KANK1: variants seen among roughly 807,000 people sequenced by gnomAD.
KANK1 encodes KN motif and ankyrin repeat domains 1, also known as KN motif and ankyrin repeat domain-containing protein 1.
KANK1 carries 109 observed loss-of-function variants against 106.2 expected under a neutral mutation model. The observed-to-expected ratio is 1.03, with a 90% confidence interval of 0.88 to 1.20. The LOEUF (loss-of-function observed/expected upper bound fraction) is 1.20. Among genes scored for constraint, KANK1 ranks in the 50% most tolerant of loss-of-function variants. The pLI is 0.00. For missense variants in KANK1, 2,399 were observed against 1,710.7 expected, an observed-to-expected ratio of 1.40 and a Z score of -7.10; for synonymous variants, 873 against 652.2, an observed-to-expected ratio of 1.34 and a Z score of -5.16.
intron 1 of KANK1, among the ~76,000 whole-genome samples, chr9:637,530 C>G (rs1356595818): frequency 6.6e-6 from 1 of 152,140 alleles, no homozygotes; most frequent in Non-Finnish European, 1.5e-5. Flanking sequence ...GACTTACCTT[C>G]AGGGATATCT....
intron 3 of KANK1, chr9:495,523 A>G (rs2058444512): frequency 2.0e-5 from 3 of 152,060 alleles, no homozygotes; most frequent in East Asian, 1.9e-4. Context: ...TAAGCATGCT[A>G]TCTTCAACGT....
At chr9:537,523 T>C (rs2060363483) in intron 1 of KANK1, among the ~76,000 whole-genome samples, 1 of 152,206 alleles carries the variant, frequency 6.6e-6, no homozygotes, top group Non-Finnish European at 1.5e-5. Context: ...GGCTCTTTTT[T>C]TCTCTTGAGA....
intron 1 of KANK1, among the ~76,000 whole-genome samples, chr9:513,261 C>T (rs2059114647): frequency 6.6e-6 from 1 of 152,238 alleles, no homozygotes; most frequent in Non-Finnish European, 1.5e-5. Flanking sequence ...ATGATATTTT[C>T]ACCAATGAAG....
intron 1 of KANK1, among the ~76,000 whole-genome samples, chr9:654,814 T>TGA (rs57089042): frequency 0.015 from 1,223 of 80,500 alleles, 11 homozygotes; most frequent in African/African-American, 0.02. Flanking sequence ...TGTGTGTGTG[T>TGA]GAGAGAGAGA....
chr9:497,366 G>A (rs969489329), intron 3 of KANK1, among the ~76,000 whole-genome samples: 1 of 152,040 alleles, frequency 6.6e-6, no homozygotes, highest in African/African-American at 2.4e-5. Flanking sequence ...CACTGTGCAC[G>A]CCCTCCCCAG....
intron 1 of KANK1, among the ~76,000 whole-genome samples, chr9:558,324 C>A (rs1815415546): frequency 6.6e-6 from 1 of 152,184 alleles, no homozygotes; most frequent in African/African-American, 2.4e-5. Flanking sequence ...CAGTTATGTT[C>A]TATAAAGTCG....
chr9:665,322 C>G (rs1451347400), intron 1 of KANK1, among the ~76,000 whole-genome samples: 2 of 152,014 alleles, frequency 1.3e-5, no homozygotes, highest in African/African-American at 4.8e-5. Context: ...AGTCTAAATC[C>G]ATTTGTATTT....
At chr9:697,094 G>C (rs74946422) in intron 2 of KANK1, among the ~76,000 whole-genome samples, 1 of 98,288 alleles carries the variant, frequency 1.0e-5, no homozygotes, top group Non-Finnish European at 2.3e-5. Flanking sequence ...GTGTGTGTGT[G>C]TGTGTGTGTG....
chr9:655,410 T>G (rs1841932386), intron 1 of KANK1, among the ~76,000 whole-genome samples: 1 of 148,792 alleles, frequency 6.7e-6, no homozygotes, highest in Non-Finnish European at 1.5e-5. Flanking sequence ...TGTGAACCAT[T>G]ACTGTAGGTT....
At chr9:624,427 C>G (rs1232273527) in intron 1 of KANK1, among the ~76,000 whole-genome samples, 1 of 152,114 alleles carries the variant, frequency 6.6e-6, no homozygotes, top group Non-Finnish European at 1.5e-5. Flanking sequence ...ACATTGTATA[C>G]TTTGAATACG....
rs550365126 is a variant in KANK1 at position 649,126 on chromosome 9, C to T, written c.-83-27764C>T. ...TAAGATAATATATTAAGTCTCCTGG[C>T]ATATAAGGATATATGTAAGATACGT... On this transcript the variant is annotated intron_variant, in intron 1 of 11. Coordinates refer to ENST00000382297, the MANE Select transcript of KANK1 (RefSeq NM_015158.5). Among the ~76,000 whole-genome samples the T allele has an allele frequency of 6.6e-5, 10 of 152,236 alleles. No individual in the cohort carries two copies. The South Asian group carries it at 1.0e-3, about 16-fold the overall frequency.
intron 2 of KANK1, among the ~76,000 whole-genome samples, chr9:710,560 G>T (rs567169989): frequency 2.8e-5 from 4 of 143,232 alleles, no homozygotes. Context: ...GGAGGCTGCA[G>T]TGAACCGAGA....
At chr9:531,436 A>G (rs1169748380) in intron 1 of KANK1, among the ~76,000 whole-genome samples, 1 of 152,254 alleles carries the variant, frequency 6.6e-6, no homozygotes, top group Non-Finnish European at 1.5e-5. Flanking sequence ...GTCTCAAAAA[A>G]GTAAAAATAA....
intron 8 of KANK1, among the ~76,000 whole-genome samples, 173 bp downstream of exon 8, chr9:738,677 G>C (rs963865925): frequency 1.3e-5 from 2 of 152,232 alleles, no homozygotes; most frequent in Non-Finnish European, 2.9e-5. Flanking sequence ...GAGGCTTGAA[G>C]TTTAAACAAA....
intron 1 of KANK1, among the ~76,000 whole-genome samples, chr9:527,713 T>A (rs2059859428): frequency 6.6e-6 from 1 of 151,240 alleles, no homozygotes; most frequent in East Asian, 1.9e-4. Context: ...TTTTTTCTTT[T>A]ACCTTCACAC....
At chr9:568,592 C>G (rs1053354887) in intron 1 of KANK1, among the ~76,000 whole-genome samples, 1 of 152,156 alleles carries the variant, frequency 6.6e-6, no homozygotes, top group Non-Finnish European at 1.5e-5. Flanking sequence ...TGGGCTCAAG[C>G]TATCATCCCG....
chr9:693,398 T>G, intron 2 of KANK1: 1 of 985,404 alleles, frequency 1.0e-6, no homozygotes, highest in Non-Finnish European at 1.2e-6. Flanking sequence ...AGGAAACATT[T>G]GCTGCCTTTC....
At chr9:600,259 A>G (rs1388993900) in intron 1 of KANK1, among the ~76,000 whole-genome samples, 1 of 151,524 alleles carries the variant, frequency 6.6e-6, no homozygotes, top group Non-Finnish European at 1.5e-5. Flanking sequence ...TGACTATTCT[A>G]GGTACCTCAT....
At chr9:631,202 G>T (rs1835651187) in intron 1 of KANK1, among the ~76,000 whole-genome samples, 1 of 152,136 alleles carries the variant, frequency 6.6e-6, no homozygotes, top group African/African-American at 2.4e-5. Context: ...TATAAGTTGA[G>T]TTGAAAATAG....
Sources: gnomAD v4.1 joint callset for allele counts (sites outside exome capture counted in the v4.1 genomes callset) on GRCh38, gnomAD v4.1.1 for gene constraint, MANE v1.5 for transcripts, NCBI Gene and HGNC (gene_info 2026-07-23, HGNC 2026-07-21) for gene names.